Variants in NFE2L3 observed in about 807,000 individuals in gnomAD.
NFE2L3 encodes the protein nuclear factor erythroid 2-related factor 3.
A neutral mutation model predicts 23.5 loss-of-function variants in NFE2L3; 18 were observed. The observed-to-expected ratio is 0.77, with a 90% CI of 0.53 to 1.13. The LOEUF (loss-of-function observed/expected upper bound fraction) is 1.13, where lower values mean the gene tolerates loss of function less well. Ranked by LOEUF, NFE2L3 falls within the 50% of genes most tolerant of loss-of-function variation. NFE2L3 has a pLI of 0.00. For synonymous variants in NFE2L3, 424 were observed against 354.5 expected, an observed-to-expected ratio of 1.20 and a Z score of -2.20; for missense variants, 1,152 against 877.2, an observed-to-expected ratio of 1.31 and a Z score of -3.96.
intron 1 of NFE2L3, among the ~76,000 whole-genome samples, chr7:26,167,637 T>C (rs1248224635): frequency 6.6e-6 from 1 of 152,144 alleles, no homozygotes; most frequent in Non-Finnish European, 1.5e-5. Flanking sequence ...ATAAAGAGCA[T>C]GAACTATAAA....
At chr7:26,165,642 C>T (rs1419038673) in intron 1 of NFE2L3, among the ~76,000 whole-genome samples, 1 of 151,636 alleles carries the variant, frequency 6.6e-6, no homozygotes, top group Non-Finnish European at 1.5e-5. Flanking sequence ...CCTTTATTTC[C>T]TTCTCCTGCC....
At chr7:26,161,520 G>T (rs1255330977) in intron 1 of NFE2L3, among the ~76,000 whole-genome samples, 1 of 151,792 alleles carries the variant, frequency 6.6e-6, no homozygotes, top group Non-Finnish European at 1.5e-5. Flanking sequence ...AGACCCCCAG[G>T]TGGTTCTTGT....
At chr7:26,178,574 G>T (rs1396792562) in intron 2 of NFE2L3, among the ~76,000 whole-genome samples, 1 of 152,200 alleles carries the variant, frequency 6.6e-6, no homozygotes, top group African/African-American at 2.4e-5. Context: ...CTCCTGGCAG[G>T]CCTGGCTGAA....
intron 1 of NFE2L3, among the ~76,000 whole-genome samples, chr7:26,159,539 T>A (rs1784137554): frequency 6.6e-6 from 1 of 152,232 alleles, no homozygotes; most frequent in Admixed American, 6.5e-5. Context: ...AGCCAGTGTC[T>A]GTCTGTTGAG....
Position 26,185,031 on chromosome 7 carries a change from G to A in NFE2L3, c.1333G>A (p.Gly445Ser), listed in dbSNP as rs758401428. ...SNSSHSVCDE[G>S]AIGYCTDHES... Reference sequence around the variant, plus strand: ...TTCCTCTCACTCTGTGTGTGATGAAGGTGCTATAGGTTATTGCACTGACCA... The same window carrying A: ...TTCCTCTCACTCTGTGTGTGATGAAAGTGCTATAGGTTATTGCACTGACCA... The change falls in exon 4 of 4, where the codon GGT becomes AGT. Residue 445 changes from glycine to serine, a missense_variant. Gly to Ser is a moderately conservative substitution (Grantham distance 56). Transcript: ENST00000056233. 12 of 1,613,660 alleles carry A rather than the reference G, an allele frequency of 7.4e-6. No homozygotes were observed. The highest frequency in any genetic ancestry group is 7.6e-6 in the Non-Finnish European group (9 of 1,179,802).
chr7:26,166,477 G>A (rs1484328959), intron 1 of NFE2L3, among the ~76,000 whole-genome samples: 3 of 152,202 alleles, frequency 2.0e-5, no homozygotes, highest in East Asian at 3.8e-4. Flanking sequence ...AGAGCTGGCT[G>A]TGAAATAAAA....
chr7:26,177,819 A>G, intron 1 of NFE2L3, 124 bp from the exon 2 acceptor site: 2 of 796,284 alleles, frequency 2.5e-6, no homozygotes, highest in South Asian at 3.5e-5. Context: ...TGTTTCTTTG[A>G]TACTGAAATA....
At position 26,153,088 on chromosome 7, in the gene NFE2L3, C is replaced by T; in HGVS notation, c.570+20C>T. ...AGCGAGGTAGGTGCAGAGCGGGAAG[C>T]GAGCGAAGTGCGGCGTCTACGCCGC... On this transcript the variant is annotated intron_variant, in intron 1 of 3. Coordinates refer to ENST00000056233, the MANE Select transcript of NFE2L3 (RefSeq NM_004289.7). 1 of 1,510,396 alleles carries T rather than the reference C, an allele frequency of 6.6e-7. No individual in the cohort carries two copies. The allele number at this position is 1,510,396 out of a possible 1,614,324, so 93.6% of individuals were successfully genotyped here.
chr7:26,183,562 A>G (rs1387173762), intron 2 of NFE2L3, 139 bp from the exon 3 acceptor site: 6 of 615,812 alleles, frequency 9.7e-6, no homozygotes, highest in South Asian at 6.0e-5. Context: ...AATAAAAAGT[A>G]GAACTTCCAA....
At chr7:26,165,573 T>A (rs1443969793) in intron 1 of NFE2L3, among the ~76,000 whole-genome samples, 1 of 152,220 alleles carries the variant, frequency 6.6e-6, no homozygotes, top group Non-Finnish European at 1.5e-5. Flanking sequence ...TTTCTAGATA[T>A]ACAATCATGT....
intron 1 of NFE2L3, among the ~76,000 whole-genome samples, chr7:26,175,483 TA>T (rs1784387125): frequency 1.3e-5 from 2 of 151,784 alleles, no homozygotes; most frequent in African/African-American, 4.8e-5. Flanking sequence ...TAATAGTTTA[TA>T]ATAATAGTTT....
chr7:26,155,176 C>T (rs758304619), intron 1 of NFE2L3, among the ~76,000 whole-genome samples: 15 of 152,264 alleles, frequency 9.9e-5, no homozygotes, highest in Non-Finnish European at 1.8e-4. Context: ...AGTGCGGTGG[C>T]TCACACCTGT....
At position 26,185,876 on chromosome 7, in the gene NFE2L3, G is replaced by T. The variant is rs1010317231; in HGVS notation, c.*93G>T. 23 of 1,004,522 alleles carry T rather than the reference G, an allele frequency of 2.3e-5. No individual in the cohort carries two copies. Among genetic ancestry groups the T allele is most frequent in the Admixed American group, 1.6e-4 (5 of 31,896 alleles). The allele number at this position is 1,004,522 out of a possible 1,614,324, so 62.2% of individuals were successfully genotyped here. A position where few individuals can be genotyped will look rare whatever the true frequency, so the allele number is the denominator to read the frequency against. On this transcript the variant is annotated 3_prime_UTR_variant, in exon 4 of 4. Transcript: ENST00000056233. ...AACCATTGAAACTGCTTCAAGAATT[G>T]TATCTTTAAGTACTGCTACTTGAAT...
At chr7:26,176,704 A>C (rs1273230093) in intron 1 of NFE2L3, among the ~76,000 whole-genome samples, 4 of 35,446 alleles carry the variant, frequency 1.1e-4, no homozygotes, top group Admixed American at 5.3e-4. Flanking sequence ...CGGGGTGGCC[A>C]GGCAGAGGCG....
At chr7:26,179,376 T>C (rs943840909) in intron 2 of NFE2L3, among the ~76,000 whole-genome samples, 1 of 152,082 alleles carries the variant, frequency 6.6e-6, no homozygotes, top group Non-Finnish European at 1.5e-5. Flanking sequence ...GATGTGTTCC[T>C]GTACTCCTAG....
Position 26,152,618 on chromosome 7 carries a change from C to A in NFE2L3, c.120C>A (p.Thr40=), listed in dbSNP as rs752857295. The A allele has an allele frequency of 6.5e-7, 1 of 1,537,308 alleles. No homozygotes were observed. The highest frequency in any genetic ancestry group is 8.7e-7 in the Non-Finnish European group (1 of 1,152,952). Residue 40 remains threonine (T), a synonymous_variant, in exon 1 of 4, where the codon ACC becomes ACA. Transcript: ENST00000056233. This position sits in a 1 kb window ranked among gnomAD's most constrained non-coding sequence, Gnocchi z 4.4. The part of the protein sequence containing the change: ...LDLYLLLPPP[T]LLQDELLFLG... ...TTTACCTGCTGCTGCCGCCGCCCACCCTGCTGCAGGACGAGCTGCTGTTCC... is the reference window on the plus strand; with the variant it reads ...TTTACCTGCTGCTGCCGCCGCCCACACTGCTGCAGGACGAGCTGCTGTTCC...
chr7:26,179,337 C>G (rs926885211), intron 2 of NFE2L3, among the ~76,000 whole-genome samples: 1 of 151,870 alleles, frequency 6.6e-6, no homozygotes, highest in African/African-American at 2.4e-5. Flanking sequence ...CCCATCTCCA[C>G]AAAAATTACA....
rs28645125 is a variant in NFE2L3 at position 26,176,836 on chromosome 7, T to A, written c.571-1107T>A. On this transcript the variant is annotated intron_variant, in intron 1 of 3. Coordinates refer to ENST00000056233, the MANE Select transcript of NFE2L3 (RefSeq NM_004289.7). ...GTGGCCAGGCAGAGGCGCTCCTCAC[T>A]TCCCAGACGATGGGTGGCCGGGCAG... Among the ~76,000 whole-genome samples, 177 of 54,350 alleles carry A rather than the reference T, an allele frequency of 3.3e-3. 57 individuals carry two copies. Among genetic ancestry groups the A allele is most frequent in the East Asian group, 0.02 (12 of 602 alleles). The allele number at this position is 54,350 out of a possible 152,430, so 35.7% of individuals were successfully genotyped here.
At chr7:26,161,127 G>A (rs1207226883) in intron 1 of NFE2L3, among the ~76,000 whole-genome samples, 1 of 152,088 alleles carries the variant, frequency 6.6e-6, no homozygotes, top group Non-Finnish European at 1.5e-5. Context: ...CAAGGGGGAG[G>A]TCATACTGGA....
Sources: allele counts gnomAD v4.1 joint callset (sites outside exome capture counted in the v4.1 genomes callset), GRCh38; gene constraint gnomAD v4.1.1; non-coding constraint Gnocchi (gnomAD v3.1); transcripts MANE v1.5; gene names NCBI Gene and HGNC (gene_info 2026-07-23, HGNC 2026-07-21).